NME9: variants seen among roughly 807,000 people sequenced by gnomAD.
NME9 encodes NME/NM23 family member 9.
NME9 carries 48 observed loss-of-function variants against 44.4 expected under a neutral mutation model. That is an observed-to-expected ratio of 1.08 (90% confidence interval 0.86 to 1.37). The LOEUF is 1.37. Among genes scored for constraint, NME9 ranks in the 40% most tolerant of loss-of-function variants. The pLI is 0.00. For synonymous variants in NME9, 139 were observed against 147.1 expected (o/e 0.94, Z 0.40); for missense variants, 325 against 405.2 (o/e 0.80, Z 1.70).
rs778644223 is a variant in NME9, at chr3:138,303,603, C to T, written c.832G>A (p.Val278Ile). The T allele has an allele frequency of 9.3e-5, 150 of 1,613,630 alleles. No homozygotes were observed. The South Asian group carries it at 1.3e-3, about 14-fold the overall frequency. ...QYGTEMPFNA[V>I]HGSRDREDAD... is the part of the protein sequence containing the mutation. ...TCTTCTCTGTCCCGGCTTCCATGGACGGCATTGAAGGGCATTTCTGTGCCG... is the reference window on the plus strand; with the variant it reads ...TCTTCTCTGTCCCGGCTTCCATGGATGGCATTGAAGGGCATTTCTGTGCCG... Residue 278 changes from valine to isoleucine, a missense_variant, in exon 10 of 11, where the codon GTC becomes ATC. By Grantham distance (29) the Val-to-Ile change is conservative (BLOSUM62 3). Coordinates refer to ENST00000333911, the MANE Select transcript of NME9 (RefSeq NM_001349018.2).
chr3:138,279,139 G>T (rs1021412247), intron 8 of NME9, among the ~76,000 whole-genome samples: 1 of 152,102 alleles, frequency 6.6e-6, no homozygotes, highest in Admixed American at 6.6e-5. Flanking sequence ...AATATGTCGG[G>T]TGTAGGTTTT....
intron 8 of NME9, among the ~76,000 whole-genome samples, chr3:138,287,368 A>G (rs2050532488): frequency 6.6e-6 from 1 of 152,070 alleles, no homozygotes; most frequent in Non-Finnish European, 1.5e-5. Flanking sequence ...GCACCTTCCT[A>G]TTCTTTAAGT....
At chr3:138,281,292 C>CT (rs1263921597) in intron 8 of NME9, among the ~76,000 whole-genome samples, 4 of 149,350 alleles carry the variant, frequency 2.7e-5, no homozygotes, top group African/African-American at 9.9e-5. Context: ...TAATTGATTT[C>CT]TTTTTCTTTT....
chr3:138,266,641 A>T (rs376260389), intron 8 of NME9, among the ~76,000 whole-genome samples: 3 of 152,212 alleles, frequency 2.0e-5, no homozygotes, highest in African/African-American at 7.2e-5. Flanking sequence ...GGAAGTGTCC[A>T]GTTGGAACTA....
chr3:138,319,290 G>A (rs936611513), intron 3 of NME9, among the ~76,000 whole-genome samples, 188 bp downstream of exon 3: 1 of 152,200 alleles, frequency 6.6e-6, no homozygotes, highest in African/African-American at 2.4e-5. Flanking sequence ...GGGAGGTGGG[G>A]TGGGGAATAG....
chr3:138,270,109 G>A, intron 8 of NME9: 2 of 1,613,020 alleles, frequency 1.2e-6, no homozygotes, highest in South Asian at 2.2e-5. Flanking sequence ...TGCTTTACGA[G>A]TGAATGGAAT....
chr3:138,309,314 A>AG (rs896742131), intron 6 of NME9, among the ~76,000 whole-genome samples: 1 of 151,558 alleles, frequency 6.6e-6, no homozygotes, highest in Non-Finnish European at 1.5e-5. Context: ...AAAAAAAAAA[A>AG]AGAAGGAATG....
chr3:138,305,269 G>C (rs1206228789), intron 8 of NME9, among the ~76,000 whole-genome samples: 1 of 152,184 alleles, frequency 6.6e-6, no homozygotes, highest in African/African-American at 2.4e-5. Flanking sequence ...AGAATGACGA[G>C]ACTTTTAAGT....
intron 2 of NME9, among the ~76,000 whole-genome samples, chr3:138,319,839 C>T (rs906899356): frequency 2.6e-5 from 4 of 152,156 alleles, no homozygotes; most frequent in African/African-American, 7.2e-5. Context: ...AACATGGCTC[C>T]TTTATCTTAA....
intron 5 of NME9, among the ~76,000 whole-genome samples, chr3:138,314,847 T>C (rs2052959352): frequency 6.6e-6 from 1 of 152,204 alleles, no homozygotes; most frequent in African/African-American, 2.4e-5. Context: ...TTGATTCTAA[T>C]CCATTCTATA....
chr3:138,289,900 G>A (rs560463588), intron 8 of NME9, among the ~76,000 whole-genome samples: 112 of 152,214 alleles, frequency 7.4e-4, no homozygotes, highest in African/African-American at 2.5e-3. Context: ...TCTTCAGTGG[G>A]GAAGACTCCA....
At chr3:138,312,278 T>C (rs1408023895) in intron 6 of NME9, among the ~76,000 whole-genome samples, 1 of 152,132 alleles carries the variant, frequency 6.6e-6, no homozygotes, top group Admixed American at 6.6e-5. Context: ...TCCTAAAATT[T>C]ATATGGAACC....
intron 8 of NME9, among the ~76,000 whole-genome samples, chr3:138,266,717 G>A (rs1040629511): frequency 6.6e-6 from 1 of 152,172 alleles, no homozygotes; most frequent in African/African-American, 2.4e-5. Flanking sequence ...GTAGTAGCCT[G>A]CTTGATTCGT....
In NME9 at chr3:138,270,161, C is replaced by T. The variant is rs183452792; in HGVS notation, c.746-7575G>A. On this transcript the variant is annotated intron_variant, in intron 8 of 8. Coordinates refer to the NME9 transcript ENST00000317876. ...CGTTTCACTTTTATATATATCATAA[C>T]TTACAAAAGGAATACAGCTATTGTC... 4.7e-3 allele frequency: 6,767 copies of T among 1,449,256 alleles called. 30 individuals carry two copies. Among genetic ancestry groups the T allele is most frequent in the Non-Finnish European group, 5.2e-3 (5,394 of 1,031,652 alleles). 89.8% of individuals were successfully genotyped at this position (1,449,256 alleles called of 1,614,324 possible).
At chr3:138,267,616 T>G (rs937733833) in intron 8 of NME9, among the ~76,000 whole-genome samples, 1 of 152,234 alleles carries the variant, frequency 6.6e-6, no homozygotes, top group Non-Finnish European at 1.5e-5. Context: ...ATAAATCATT[T>G]CAAGGACATA....
At chr3:138,317,324 T>C (rs1463858975) in intron 4 of NME9, among the ~76,000 whole-genome samples, 1 of 152,262 alleles carries the variant, frequency 6.6e-6, no homozygotes, top group African/African-American at 2.4e-5. Flanking sequence ...GCTGAAGTTT[T>C]CCAAATTAAA....
chr3:138,299,142 C>G (rs952682847), downstream of NME9, among the ~76,000 whole-genome samples: 1 of 152,124 alleles, frequency 6.6e-6, no homozygotes, highest in African/African-American at 2.4e-5. Context: ...CTGCCCCTTG[C>G]CTGTTTACTG....
rs976208267 is a variant in NME9, at chr3:138,293,900, A to G, written c.745+9607T>C. 5.3e-5 allele frequency among the ~76,000 whole-genome samples: 8 copies of G among 152,210 alleles called. No homozygotes were observed. The South Asian group carries it at 8.3e-4, about 16-fold the overall frequency. ...TAGACCACTCTGGTGCTGTTTTCAC[A>G]TAAGTTTTTAGCTCTTCTTAAACGT... is the stretch of plus-strand genomic sequence containing the variant. On this transcript the variant is annotated intron_variant, in intron 8 of 8. Coordinates refer to the NME9 transcript ENST00000317876.
intron 6 of NME9, 27 bp downstream of exon 6, chr3:138,314,305 T>TC: frequency 6.9e-7 from 1 of 1,440,854 alleles, no homozygotes; most frequent in Non-Finnish European, 9.6e-7. Flanking sequence ...TTTGCTTTTT[T>TC]CCCTTGCTCA....
Sources: gnomAD v4.1 joint callset for allele counts (sites outside exome capture counted in the v4.1 genomes callset) on GRCh38, gnomAD v4.1.1 for gene constraint, MANE v1.5 for transcripts, NCBI Gene and HGNC (gene_info 2026-07-23, HGNC 2026-07-21) for gene names.